FAM110B: variants seen among roughly 807,000 people sequenced by gnomAD.
FAM110B encodes family with sequence similarity 110 member B, also known as protein FAM110B.
FAM110B carries 6 observed loss-of-function variants against 20.4 expected under a neutral mutation model. The ratio of observed to expected loss-of-function variants is 0.29; its 90% CI spans 0.16 to 0.58. The LOEUF is 0.58. Among genes scored for constraint, FAM110B ranks in the 20% least tolerant of loss-of-function variants. The probability of loss-of-function intolerance (pLI) is 0.90; values close to 1 mark genes in which losing one functional copy is unlikely to be tolerated. For synonymous variants in FAM110B, 226 were observed against 214.1 expected (o/e 1.06, Z -0.49); for missense variants, 434 against 498.2 (o/e 0.87, Z 1.23).
chr8:58,028,103 A>G (rs1344276519), intron 1 of FAM110B, among the ~76,000 whole-genome samples: 13 of 152,146 alleles, frequency 8.5e-5, no homozygotes, highest in African/African-American at 3.1e-4. Flanking sequence ...CCTTATAAAC[A>G]CTTTATATTT....
intron 1 of FAM110B, among the ~76,000 whole-genome samples, chr8:58,006,923 A>ATATATATATATATTTTTTT: frequency 3.2e-5 from 4 of 126,516 alleles, no homozygotes; most frequent in African/African-American, 1.2e-4. Flanking sequence ...ATATATATAT[A>ATATATATATATATTTTTTT]TTTTTCCAAA....
At chr8:58,064,515 G>C (rs948418593) in intron 2 of FAM110B, among the ~76,000 whole-genome samples, 2 of 152,024 alleles carry the variant, frequency 1.3e-5, no homozygotes, top group Non-Finnish European at 2.9e-5. Flanking sequence ...GTTTTCATCT[G>C]GGTTGTGCTC....
At chr8:58,004,738 C>T (rs1804367501) in intron 1 of FAM110B, among the ~76,000 whole-genome samples, 1 of 152,204 alleles carries the variant, frequency 6.6e-6, no homozygotes, top group South Asian at 2.1e-4. Context: ...GAGCAAAACC[C>T]CATCTCAAAC....
chr8:58,036,838 A>AT (rs1226356545), intron 2 of FAM110B, among the ~76,000 whole-genome samples: 2 of 152,230 alleles, frequency 1.3e-5, no homozygotes, highest in Non-Finnish European at 2.9e-5. Flanking sequence ...GTATTTTAAT[A>AT]TGTAGTAGTA....
At chr8:58,016,049 G>A (rs1004976470) in intron 1 of FAM110B, among the ~76,000 whole-genome samples, 4 of 152,108 alleles carry the variant, frequency 2.6e-5, no homozygotes, top group African/African-American at 9.6e-5. Context: ...AATACCTCAC[G>A]AAAACAAAGC....
intron 3 of FAM110B, among the ~76,000 whole-genome samples, chr8:58,130,679 T>A (rs1405398674): frequency 1.3e-5 from 2 of 152,354 alleles, no homozygotes; most frequent in African/African-American, 4.8e-5. Context: ...ATAAATTGAA[T>A]GATTGAATCC....
chr8:58,031,412 T>A (rs766832913), intron 1 of FAM110B, 194 bp from the exon 2 acceptor site: 1 of 152,258 alleles, frequency 6.6e-6, no homozygotes, highest in Non-Finnish European at 1.5e-5. Flanking sequence ...GGCCTCATAC[T>A]TTGATTTTTG....
chr8:58,132,120 A>AG (rs1803487266), intron 3 of FAM110B, among the ~76,000 whole-genome samples: 1 of 120,486 alleles, frequency 8.3e-6, no homozygotes, highest in South Asian at 2.3e-4. Flanking sequence ...GGAGAATCTC[A>AG]CCAAAGAGCT....
chr8:58,143,707 C>T (rs1051549651), intron 3 of FAM110B, among the ~76,000 whole-genome samples: 2 of 152,170 alleles, frequency 1.3e-5, no homozygotes, highest in African/African-American at 4.8e-5. Flanking sequence ...TTCAGTGTTG[C>T]CAACAGTACC....
Position 57,998,580 on chromosome 8 carries a change from C to T in FAM110B, c.-512+3774C>T, listed in dbSNP as rs1804230794. Among the ~76,000 whole-genome samples, 2 of 151,992 alleles carry T rather than the reference C, an allele frequency of 1.3e-5. 1 individual carries two copies. Among genetic ancestry groups the T allele is most frequent in the South Asian group, 4.1e-4 (2 of 4,824 alleles). On this transcript the variant is annotated intron_variant, in intron 1 of 3. Coordinates refer to ENST00000519262, the MANE Select transcript of FAM110B (RefSeq NM_001377989.1). ...TTGTACTGAAAACATTATAGAAATA[C>T]AAAAATGTAATATTTGGGAATTGTT...
intron 3 of FAM110B, among the ~76,000 whole-genome samples, chr8:58,109,663 C>A (rs143669949): frequency 4.6e-5 from 7 of 152,130 alleles, no homozygotes; most frequent in African/African-American, 1.7e-4. Flanking sequence ...GACAGGAAAA[C>A]GAGGCCAGGA....
At chr8:58,006,677 A>T (rs1804410197) in intron 1 of FAM110B, among the ~76,000 whole-genome samples, 1 of 149,812 alleles carries the variant, frequency 6.7e-6, no homozygotes, top group Admixed American at 6.7e-5. Flanking sequence ...ATCTCGGCTC[A>T]CTGCAACCTC....
chr8:58,027,962 C>T (rs1804885204), intron 1 of FAM110B, among the ~76,000 whole-genome samples: 1 of 152,132 alleles, frequency 6.6e-6, no homozygotes, highest in Non-Finnish European at 1.5e-5. Context: ...TGGGTATATA[C>T]TTAGTAGTAG....
At chr8:58,006,604 AT>A (rs773603784) in intron 1 of FAM110B, among the ~76,000 whole-genome samples, 4,372 of 139,824 alleles carry the variant, frequency 0.031, 167 homozygotes, top group African/African-American at 0.095. Flanking sequence ...CCCTTAATTG[AT>A]TTTTTTTTTT....
chr8:58,079,542 T>C (rs1413747985), intron 3 of FAM110B, among the ~76,000 whole-genome samples: 1 of 152,112 alleles, frequency 6.6e-6, no homozygotes, highest in Non-Finnish European at 1.5e-5. Context: ...TTTTGGAGGC[T>C]GAGTTAGGAA....
At chr8:58,012,832 G>A (rs967506320) in intron 1 of FAM110B, among the ~76,000 whole-genome samples, 51 of 152,300 alleles carry the variant, frequency 3.3e-4, no homozygotes, top group African/African-American at 1.2e-3. Context: ...GAGTGGATGA[G>A]GGACAGGGTC....
chr8:58,055,318 G>A (rs191627040), intron 2 of FAM110B, among the ~76,000 whole-genome samples: 130 of 152,324 alleles, frequency 8.5e-4, no homozygotes, highest in Admixed American at 4.4e-3. Flanking sequence ...CAGATGTGCA[G>A]TGCTGAGGAT....
At chr8:58,015,603 T>C (rs1358648178) in intron 1 of FAM110B, among the ~76,000 whole-genome samples, 1 of 151,908 alleles carries the variant, frequency 6.6e-6, no homozygotes. Context: ...CTCAGCACTT[T>C]GAGAGGCCTA....
Position 58,005,435 on chromosome 8 carries a change from A to G in FAM110B, c.-512+10629A>G, listed in dbSNP as rs528862053. ...TTAAAATATTGTGCGAATTACCAAA[A>G]TGTGATACACAGACCAGAAGTGAGC... On this transcript the variant is annotated intron_variant, in intron 1 of 3. Transcript: ENST00000519262. Among the ~76,000 whole-genome samples, 10 of 152,372 alleles carry G rather than the reference A, an allele frequency of 6.6e-5. No homozygotes were observed. In the East Asian group the frequency reaches 1.9e-3, roughly 29 times the overall value.
Sources: gnomAD v4.1 joint callset for allele counts (sites outside exome capture counted in the v4.1 genomes callset) on GRCh38, gnomAD v4.1.1 for gene constraint, MANE v1.5 for transcripts, NCBI Gene and HGNC (gene_info 2026-07-23, HGNC 2026-07-21) for gene names.